Variants in CORO6 observed in about 807,000 individuals in gnomAD.
CORO6 encodes coronin 6, also known as coronin-6.
CORO6 carries 43 observed loss-of-function variants against 49.0 expected under a neutral mutation model. The observed-to-expected ratio is 0.88, with a 90% CI of 0.69 to 1.13. The LOEUF (loss-of-function observed/expected upper bound fraction) is 1.13. Ranked by LOEUF, CORO6 falls within the 50% of genes most tolerant of loss-of-function variation. The pLI is 0.00. For synonymous variants in CORO6, 233 were observed against 256.5 expected (o/e 0.91, Z 0.88); for missense variants, 650 against 647.0 (o/e 1.00, Z -0.05).
Position 29,618,656 on chromosome 17 carries a change from G to T in CORO6, c.633+134C>A. On this transcript the variant is annotated intron_variant, in intron 5 of 10. Coordinates refer to ENST00000388767, the MANE Select transcript of CORO6 (RefSeq NM_032854.4). The stretch of plus-strand genomic sequence containing the variant: ...ACCTGTGGTTGCAGAGACGGGGGAA[G>T]GGGGCTAGTCTCTGGAGCAGGGATG... 5 of 1,429,088 alleles carry T rather than the reference G, an allele frequency of 3.5e-6. No individual in the cohort carries two copies. In the South Asian group the frequency reaches 7.3e-5, roughly 21 times the overall value. 88.5% of individuals were successfully genotyped at this position (1,429,088 alleles called of 1,614,324 possible).
intron 3 of CORO6, 130 bp downstream of exon 3, chr17:29,619,521 G>T: frequency 1.1e-6 from 1 of 898,560 alleles, no homozygotes; most frequent in Non-Finnish European, 1.7e-6. Flanking sequence ...TAGTCCAGGA[G>T]CTGGGCAGGG....
chr17:29,617,769 C>T, intron 5 of CORO6, 150 bp from the exon 6 acceptor site: 3 of 878,844 alleles, frequency 3.4e-6, no homozygotes, highest in Middle Eastern at 3.4e-4. Flanking sequence ...ACTCAGCTTC[C>T]TGCGGGGCCA....
At chr17:29,618,609 T>C in intron 5 of CORO6, 181 bp downstream of exon 5, 1 of 1,416,728 alleles carries the variant, frequency 7.1e-7, no homozygotes. Context: ...AATTGCAGGC[T>C]GGGGGCTTAC....
In CORO6 at chr17:29,619,745, A is replaced by C. The variant is rs753712051; in HGVS notation, c.227T>G (p.Leu76Arg). 2.5e-6 allele frequency: 4 copies of C among 1,613,430 alleles called. No homozygotes were observed. The highest frequency in any genetic ancestry group is 3.4e-6 in the Non-Finnish European group (4 of 1,179,552). ...KTGRVDKNYP[L>R]VTGHTAPVLD... ...CACAGGGGCAGTGTGCCCAGTGACCAGTGGGTAGTTCTTATCCACTCGCCC... is the reference window on the plus strand; with the variant it reads ...CACAGGGGCAGTGTGCCCAGTGACCCGTGGGTAGTTCTTATCCACTCGCCC... The change falls in exon 3 of 11, where the codon CTG becomes CGG. Residue 76 changes from leucine to arginine, a missense_variant. By Grantham distance (102) the Leu-to-Arg change is moderately radical. Transcript: ENST00000388767.
At chr17:29,619,327 A>C in intron 3 of CORO6, 138 bp from the exon 4 acceptor site, 1 of 1,100,934 alleles carries the variant, frequency 9.1e-7, no homozygotes, top group Admixed American at 2.6e-5. Flanking sequence ...GTGGTGGTGC[A>C]TGCCTAGAAC....
chr17:29,615,672 AAGCCGGGGCGGGGCCG>A lies in CORO6; in HGVS notation c.*44_*59del. ...GGCGGGGTCCGGAGTTCGGGACTAA[AAGCCGGGGCGGGGCCG>A]AGCTTGTGCGCCCCGCCCCGCTCCG... On this transcript the variant is annotated 3_prime_UTR_variant, in exon 11 of 11. Transcript: ENST00000388767. 1 of 1,431,082 alleles carries A rather than the reference AAGCCGGGGCGGGGCCG, an allele frequency of 7.0e-7. No homozygotes were observed. The highest frequency in any genetic ancestry group is 9.1e-7 in the Non-Finnish European group (1 of 1,095,612). 88.6% of individuals were successfully genotyped at this position (1,431,082 alleles called of 1,614,324 possible).
rs2034886150 is a variant in CORO6, at chr17:29,616,157, C to A, written c.1081G>T (p.Asp361Tyr). Residue 361 changes from aspartate to tyrosine, a missense_variant, in exon 10 of 11, where the codon GAT becomes TAT. Asp to Tyr is a radical substitution (Grantham distance 160, BLOSUM62 -3). Transcript: ENST00000388767. This position sits in a 1 kb window ranked among gnomAD's most constrained non-coding sequence, Gnocchi z 5.6. ...GGGCCTGGCGTATCCGGGTACAGAT[C>A]GTCCTGGAAGAGGTCTGACTGCGGG... is the stretch of plus-strand genomic sequence containing the variant. ...VPRKSDLFQD[D>Y]LYPDTPGPEP... is the part of the protein sequence containing the mutation. The A allele has an allele frequency of 6.2e-7, 1 of 1,613,276 alleles. No individual in the cohort carries two copies.
intron 2 of CORO6, 80 bp from the exon 3 acceptor site, chr17:29,619,853 C>A: frequency 3.1e-6 from 4 of 1,306,048 alleles, no homozygotes; most frequent in South Asian, 2.5e-5. Flanking sequence ...GCTTACATCT[C>A]GATTCCTTAT....
rs1218278662 is a variant in CORO6, at chr17:29,618,902, T to G, written c.521A>C (p.His174Pro). 1 of 1,613,864 alleles carries G rather than the reference T, an allele frequency of 6.2e-7. No homozygotes were observed. Among genetic ancestry groups the G allele is most frequent in the Admixed American group, 1.7e-5 (1 of 60,006 alleles). ...GEVLLSLDDM[H>P]PDVIHSVCWN... ...GCACACACTGTGGATGACGTCTGGG[T>G]GCATATCATCCAGGCTCAGCAGCAC... Residue 174 changes from histidine to proline, a missense_variant, in exon 5 of 11, where the codon CAC becomes CCC. By Grantham distance (77) the His-to-Pro change is moderately conservative. Transcript: ENST00000388767.
At position 29,616,896 on chromosome 17, in the gene CORO6, T is replaced by C. The variant is rs2034976696; in HGVS notation, c.858+42A>G. 1 of 1,613,368 alleles carries C rather than the reference T, an allele frequency of 6.2e-7. No individual in the cohort carries two copies. The highest frequency in any genetic ancestry group is 8.5e-7 in the Non-Finnish European group (1 of 1,179,920). On this transcript the variant is annotated intron_variant, in intron 7 of 10. Transcript: ENST00000388767. This position sits in a 1 kb window ranked among gnomAD's most constrained non-coding sequence, Gnocchi z 5.6. ...GCGCGCCCGGACAAGGCCCTCCACA[T>C]CTCCATCCAGTGCCCTGTTCTCCCT... is the stretch of plus-strand genomic sequence containing the variant.
At position 29,619,079 on chromosome 17, in the gene CORO6, C is replaced by T; in HGVS notation, c.432G>A (p.Arg144=). Residue 144 remains arginine (R), a synonymous_variant, in exon 4 of 11, where the codon AGG becomes AGA. Transcript: ENST00000388767. ...VGILSWHPTA[R]NVLLSAGGDN... is the part of the protein sequence containing the mutation. ...CCAGACCTGCACTGAGCAGGACATT[C>T]CTGGCAGTAGGGTGCCAGGAGAGGA... 6.2e-7 allele frequency: 1 copy of T among 1,613,530 alleles called. No individual in the cohort carries two copies. The highest frequency in any genetic ancestry group is 8.5e-7 in the Non-Finnish European group (1 of 1,179,820).
At position 29,614,791 on chromosome 17, in the gene CORO6, G is replaced by A. The variant is rs1011339321; in HGVS notation, c.*941C>T. ...TTTGCTACCTAACTTTACTTGGGGGGAACGCCTACGGTGTGGGTTGGGGTC... is the reference window on the plus strand; with the variant it reads ...TTTGCTACCTAACTTTACTTGGGGGAAACGCCTACGGTGTGGGTTGGGGTC... On this transcript the variant is annotated 3_prime_UTR_variant, in exon 11 of 11. Coordinates refer to ENST00000388767, the MANE Select transcript of CORO6 (RefSeq NM_032854.4). 1 of 152,616 alleles carries A rather than the reference G, an allele frequency of 6.6e-6. No individual in the cohort carries two copies. Among genetic ancestry groups the A allele is most frequent in the East Asian group, 1.9e-4 (1 of 5,182 alleles). The allele number at this position is 152,616 out of a possible 1,614,324, so 9.5% of individuals were successfully genotyped here. A position where few individuals can be genotyped will look rare whatever the true frequency, so the allele number is the denominator to read the frequency against.
rs1469537478 is a variant in CORO6 at position 29,615,694 on chromosome 17, G to C, written c.*38C>G. ...TAAAAGCCGGGGCGGGGCCGAGCTTGTGCGCCCCGCCCCGCTCCGCCTGCC... is the reference window on the plus strand; with the variant it reads ...TAAAAGCCGGGGCGGGGCCGAGCTTCTGCGCCCCGCCCCGCTCCGCCTGCC... On this transcript the variant is annotated 3_prime_UTR_variant, in exon 11 of 11. Transcript: ENST00000388767. 6 of 1,460,480 alleles carry C rather than the reference G, an allele frequency of 4.1e-6. No individual in the cohort carries two copies. In the South Asian group the frequency reaches 7.0e-5, roughly 17 times the overall value. The allele number at this position is 1,460,480 out of a possible 1,614,324, so 90.5% of individuals were successfully genotyped here.
In CORO6 at chr17:29,621,590, C is replaced by A; in HGVS notation, c.-63-106G>T. The A allele has an allele frequency of 8.2e-7, 1 of 1,218,086 alleles. No homozygotes were observed. The highest frequency in any genetic ancestry group is 1.1e-6 in the Non-Finnish European group (1 of 893,382). The allele number at this position is 1,218,086 out of a possible 1,614,324, so 75.5% of individuals were successfully genotyped here. ...TCTGGTCCTAGAAGCAGGGAGCTTT[C>A]TTCAAGGTGGTCAAAGTATGGGAAA... On this transcript the variant is annotated intron_variant, in intron 1 of 10. Coordinates refer to ENST00000388767, the MANE Select transcript of CORO6 (RefSeq NM_032854.4). The surrounding 1 kb of genome is among the most constrained non-coding windows in gnomAD (Gnocchi z 4.2).
intron 1 of CORO6, chr17:29,622,250 T>G (rs1374215368): frequency 6.5e-6 from 1 of 153,742 alleles, no homozygotes; most frequent in Non-Finnish European, 1.4e-5. Context: ...GGGTGGGGTC[T>G]TCAACCCCAT....
chr17:29,619,624 GC>G (rs1192568274), intron 3 of CORO6, 26 bp downstream of exon 3: 1 of 1,610,424 alleles, frequency 6.2e-7, no homozygotes, highest in Admixed American at 1.7e-5. Flanking sequence ...CTGCTCAACT[GC>G]CCAGCAGTAG....
intron 5 of CORO6, 114 bp from the exon 6 acceptor site, chr17:29,617,733 G>T: frequency 8.5e-7 from 1 of 1,180,436 alleles, no homozygotes; most frequent in Non-Finnish European, 1.2e-6. Context: ...GAGCGGATGC[G>T]GGGAAGAGAC....
At chr17:29,618,342 G>T in intron 5 of CORO6, 6 of 1,292,068 alleles carry the variant, frequency 4.6e-6, no homozygotes, top group Non-Finnish European at 5.9e-6. Flanking sequence ...TAAGCAACGC[G>T]CGAGGGTTGC....
intron 5 of CORO6, chr17:29,618,569 G>A: frequency 7.2e-7 from 1 of 1,383,576 alleles, no homozygotes; most frequent in African/African-American, 1.5e-5. Flanking sequence ...TGAGATGCAA[G>A]GGAGGGGAGG....
Sources: gnomAD v4.1 joint callset for allele counts on GRCh38, gnomAD v4.1.1 for gene constraint, Gnocchi (gnomAD v3.1) non-coding constraint, MANE v1.5 for transcripts, NCBI Gene and HGNC (gene_info 2026-07-23, HGNC 2026-07-21) for gene names.